Variants in CLN6 observed in about 807,000 individuals in gnomAD.
The protein encoded by CLN6 is CLN6 transmembrane ER protein, also known as ceroid-lipofuscinosis neuronal protein 6.
CLN6 carries 22 observed loss-of-function variants against 33.3 expected under a neutral mutation model. That is an observed-to-expected ratio of 0.66 (90% CI 0.47 to 0.94). The LOEUF (loss-of-function observed/expected upper bound fraction) is 0.94. Ranked by LOEUF, CLN6 falls within the 40% of genes least tolerant of loss-of-function variation. The pLI, the probability that CLN6 is intolerant of heterozygous loss-of-function variation, is 0.00. For synonymous variants in CLN6, 201 were observed against 174.6 expected, an observed-to-expected ratio of 1.15 and a Z score of -1.19; for missense variants, 387 against 417.1, an observed-to-expected ratio of 0.93 and a Z score of 0.63.
chr15:68,208,148 G>A lies in CLN6; in HGVS notation c.928C>T (p.Arg310Trp), dbSNP rs773087251. The part of the protein sequence containing the change: ...WAFYTLHVSS[R>W]H The stretch of plus-strand genomic sequence containing the variant: ...AGCCTGGTGCCAGGGACTCAGTGCC[G>A]ACTGCTGACGTGAAGGGTGTAGAAA... The change falls in exon 7 of 7, where the codon CGG becomes TGG. Residue 310 changes from arginine to tryptophan, a missense_variant. By Grantham distance (101) the Arg-to-Trp change is moderately radical. Coordinates refer to ENST00000249806, the MANE Select transcript of CLN6 (RefSeq NM_017882.3). The surrounding 1 kb of genome is among the most constrained non-coding windows in gnomAD (Gnocchi z 5.8). The A allele has an allele frequency of 1.7e-5, 23 of 1,392,396 alleles. No homozygotes were observed. The highest frequency in any genetic ancestry group is 5.7e-5 in the Admixed American group (3 of 52,264). 86.3% of individuals were successfully genotyped at this position (1,392,396 alleles called of 1,614,324 possible).
rs1351718729 is a variant in CLN6 at position 68,219,876 on chromosome 15, A to G, written c.84-1226T>C. On this transcript the variant is annotated intron_variant, in intron 1 of 6. Transcript: ENST00000249806. This position sits in a 1 kb window ranked among gnomAD's most constrained non-coding sequence, Gnocchi z 4.2. The stretch of plus-strand genomic sequence containing the variant: ...TTTGTGCCAAGAACAGGCGCCATGG[A>G]CCACAAATCTGTATTCCTCCAGAGT... Among the ~76,000 whole-genome samples the G allele has an allele frequency of 6.6e-6, 1 of 152,144 alleles. No homozygotes were observed. Among genetic ancestry groups the G allele is most frequent in the South Asian group, 2.1e-4 (1 of 4,826 alleles).
At chr15:68,233,744 A>G (rs78840771), upstream of CLN6, among the ~76,000 whole-genome samples, 23 of 152,286 alleles carry the variant, frequency 1.5e-4, no homozygotes, top group East Asian at 4.2e-3. This position sits in a 1 kb window ranked among gnomAD's most constrained non-coding sequence, Gnocchi z 4.3. Context: ...GTTACTTTGG[A>G]GAGAGGCAGC....
At chr15:68,239,149 A>G (rs371384042) in intron 1 of CLN6, among the ~76,000 whole-genome samples, 33 of 152,284 alleles carry the variant, frequency 2.2e-4, no homozygotes, top group African/African-American at 7.9e-4. Context: ...ATAGAATAAG[A>G]AAACAAAAAC....
At chr15:68,216,775 G>T (rs954832891) in intron 2 of CLN6, among the ~76,000 whole-genome samples, 1 of 152,214 alleles carries the variant, frequency 6.6e-6, no homozygotes, top group African/African-American at 2.4e-5. Flanking sequence ...TTGAGTTAGA[G>T]GAAACTGCTG....
chr15:68,211,709 T>C lies in CLN6; in HGVS notation c.452A>G (p.Asn151Ser). The C allele has an allele frequency of 6.2e-7, 1 of 1,613,392 alleles. No individual in the cohort carries two copies. The highest frequency in any genetic ancestry group is 8.5e-7 in the Non-Finnish European group (1 of 1,179,904). ...GYQHHLSVRENPIIKNLKPET... is the reference protein window; with the variant it reads ...GYQHHLSVRESPIIKNLKPET... ...CGGCTTGAGATTCTTGATGATGGGG[T>C]TCTCACGGACAGACAGGTGGTGCTG... Residue 151 changes from asparagine (N) to serine (S), a missense_variant, in exon 4 of 7, where the codon AAC (asparagine) becomes AGC (serine). Physicochemically the swap from Asn to Ser is conservative, Grantham distance 46 (BLOSUM62 1). Coordinates refer to ENST00000249806, the MANE Select transcript of CLN6 (RefSeq NM_017882.3). The surrounding 1 kb of genome is among the most constrained non-coding windows in gnomAD (Gnocchi z 5.9).
At position 68,256,677 on chromosome 15, in the gene CLN6, C is replaced by A; in HGVS notation, c.179+13G>T. 1 of 649,642 alleles carries A rather than the reference C, an allele frequency of 1.5e-6. No homozygotes were observed. The highest frequency in any genetic ancestry group is 1.6e-5 in the South Asian group (1 of 61,546). The allele number at this position is 649,642 out of a possible 1,614,324, so 40.2% of individuals were successfully genotyped here. A position where few individuals can be genotyped will look rare whatever the true frequency, so the allele number is the denominator to read the frequency against. Reference sequence around the variant, plus strand: ...TTGGTTTAATGCGCTGCTCTCATTGCCTTGAAACTTACTTTTTACCTTTGA... The same window carrying A: ...TTGGTTTAATGCGCTGCTCTCATTGACTTGAAACTTACTTTTTACCTTTGA... On this transcript the variant is annotated intron_variant, in intron 1 of 6. Coordinates refer to the CLN6 transcript ENST00000538696. This position sits in a 1 kb window ranked among gnomAD's most constrained non-coding sequence, Gnocchi z 4.1.
At position 68,248,162 on chromosome 15, in the gene CLN6, G is replaced by T. The variant is rs9972296; in HGVS notation, c.179+8528C>A. Among the ~76,000 whole-genome samples, 211 of 152,212 alleles carry T rather than the reference G, an allele frequency of 1.4e-3. 1 individual carries two copies. Among genetic ancestry groups the T allele is most frequent in the Non-Finnish European group, 2.6e-3 (175 of 68,024 alleles). Reference sequence around the variant, plus strand: ...ACATAGACTAATGGAACAGAACAGAGAATCCAGATATAAATAAATGCATTT... The same window carrying T: ...ACATAGACTAATGGAACAGAACAGATAATCCAGATATAAATAAATGCATTT... On this transcript the variant is annotated intron_variant, in intron 1 of 6. Coordinates refer to the CLN6 transcript ENST00000538696.
chr15:68,240,930 G>A (rs1368695328), intron 1 of CLN6, among the ~76,000 whole-genome samples: 1 of 150,062 alleles, frequency 6.7e-6, no homozygotes, highest in Non-Finnish European at 1.5e-5. Context: ...GTTGCAGTGA[G>A]CCGAGATCGC....
At chr15:68,238,047 C>T (rs1030651876) in intron 1 of CLN6, among the ~76,000 whole-genome samples, 3 of 146,076 alleles carry the variant, frequency 2.1e-5, no homozygotes, top group African/African-American at 7.6e-5. Context: ...TACTTGAACC[C>T]AGGAGGCAGA....
At chr15:68,229,111 C>A (rs540124406) in intron 1 of CLN6, among the ~76,000 whole-genome samples, 1 of 152,152 alleles carries the variant, frequency 6.6e-6, no homozygotes, top group Admixed American at 6.5e-5. Flanking sequence ...CCGGAACTTG[C>A]GGATAAGTTG....
At chr15:68,225,134 G>A (rs1236949612) in intron 1 of CLN6, among the ~76,000 whole-genome samples, 1 of 151,172 alleles carries the variant, frequency 6.6e-6, no homozygotes, top group Non-Finnish European at 1.5e-5. Context: ...ACAATGAAAA[G>A]CTTGAACAGA....
rs1306370914 is a variant in CLN6, at chr15:68,241,271, C to A, written c.179+15419G>T. 2.0e-5 allele frequency among the ~76,000 whole-genome samples: 3 copies of A among 152,158 alleles called. No individual in the cohort carries two copies. The highest frequency in any genetic ancestry group is 6.5e-5 in the Admixed American group (1 of 15,274). On this transcript the variant is annotated intron_variant, in intron 1 of 6. Coordinates refer to the CLN6 transcript ENST00000538696. The surrounding 1 kb of genome is among the most constrained non-coding windows in gnomAD (Gnocchi z 4.2). ...CCACAGAAAACCAAAAACAAATACA[C>A]AGTGCTGAGATGATCAGCACTATGC...
chr15:68,224,618 C>CAAAAAAAAA (rs57397347), intron 1 of CLN6, among the ~76,000 whole-genome samples: 1 of 104,310 alleles, frequency 9.6e-6, no homozygotes, highest in African/African-American at 4.2e-5. Flanking sequence ...GACTCTGTCT[C>CAAAAAAAAA]AAAAAAAAAA....
rs1441406044 is a variant in CLN6, at chr15:68,256,033, CCTT to C, written c.179+654_179+656del. ...CCAACTCCTCGCCCGAAGTGATCCT[CCTT>C]CTTCGACCTCCCAAAGTGCTAGAAT... On this transcript the variant is annotated intron_variant, in intron 1 of 6. Transcript: ENST00000538696. This position sits in a 1 kb window ranked among gnomAD's most constrained non-coding sequence, Gnocchi z 4.1. Among the ~76,000 whole-genome samples the C allele has an allele frequency of 6.6e-6, 1 of 152,014 alleles. No homozygotes were observed. The highest frequency in any genetic ancestry group is 1.5e-5 in the Non-Finnish European group (1 of 68,006).
At position 68,236,406 on chromosome 15, in the gene CLN6, G is replaced by A. The variant is rs1164259207; in HGVS notation, c.180-17756C>T. Reference sequence around the variant, plus strand: ...TAAATTATGGTATACAAATTCAGTGGACTATTATACAGCTATAAGAAGGCA... The same window carrying A: ...TAAATTATGGTATACAAATTCAGTGAACTATTATACAGCTATAAGAAGGCA... On this transcript the variant is annotated intron_variant, in intron 1 of 6. Coordinates refer to the CLN6 transcript ENST00000538696. The surrounding 1 kb of genome is among the most constrained non-coding windows in gnomAD (Gnocchi z 4.5). Among the ~76,000 whole-genome samples, 1 of 152,182 alleles carries A rather than the reference G, an allele frequency of 6.6e-6. No individual in the cohort carries two copies. Among genetic ancestry groups the A allele is most frequent in the Non-Finnish European group, 1.5e-5 (1 of 68,026 alleles).
chr15:68,230,398 T>C (rs1172525299), upstream of CLN6, among the ~76,000 whole-genome samples: 2 of 152,084 alleles, frequency 1.3e-5, no homozygotes, highest in African/African-American at 4.8e-5. The surrounding 1 kb of genome is among the most constrained non-coding windows in gnomAD (Gnocchi z 4.0). Flanking sequence ...GGACCGGTGG[T>C]CTGAAGCTGA....
upstream of CLN6, chr15:68,229,755 G>GGAGCT: frequency 1.0e-5 from 1 of 98,608 alleles, no homozygotes; most frequent in South Asian, 2.3e-4. Context: ...GGGGCGGGGC[G>GGAGCT]GAGCGGAGCG....
upstream of CLN6, chr15:68,229,745 G>C: frequency 2.6e-6 from 1 of 388,792 alleles, no homozygotes. Context: ...CTGCGGACCC[G>C]GGGCGGGGCG....
chr15:68,224,754 C>T (rs1296493202), intron 1 of CLN6, among the ~76,000 whole-genome samples: 1 of 152,132 alleles, frequency 6.6e-6, no homozygotes, highest in Non-Finnish European at 1.5e-5. Context: ...TGAGCAACCT[C>T]AACCCTGTCC....
Sources: allele counts gnomAD v4.1 joint callset (sites outside exome capture counted in the v4.1 genomes callset), GRCh38; gene constraint gnomAD v4.1.1; non-coding constraint Gnocchi (gnomAD v3.1); transcripts MANE v1.5; gene names NCBI Gene and HGNC (gene_info 2026-07-23, HGNC 2026-07-21).